Variants in DOC2B observed in about 807,000 individuals in gnomAD.
The protein encoded by DOC2B is double C2 domain beta.
In DOC2B, 21 loss-of-function variants were observed where a neutral mutation model predicts 28.9. The observed-to-expected ratio is 0.73, with a 90% CI of 0.52 to 1.05. DOC2B has a LOEUF of 1.05. Ranked by LOEUF, DOC2B falls within the 50% of genes least tolerant of loss-of-function variation. The pLI is 0.00. For missense variants in DOC2B, 384 were observed against 421.1 expected, an observed-to-expected ratio of 0.91 and a Z score of 0.77; for synonymous variants, 194 against 178.1, an observed-to-expected ratio of 1.09 and a Z score of -0.71.
intron 3 of DOC2B, among the ~76,000 whole-genome samples, chr17:162,696 T>C (rs1015973527): frequency 1.3e-5 from 2 of 152,142 alleles, no homozygotes; most frequent in Non-Finnish European, 2.9e-5. Context: ...GCCACGAAGT[T>C]TGTGGTCATT....
rs1216411416 is a variant in DOC2B, at chr17:143,940, A to ACGGGCTCGGCATGCACGGCC, written c.*3481_*3500dup. On this transcript the variant is annotated 3_prime_UTR_variant, in exon 9 of 9. Transcript: ENST00000613549. ...GGTTCACTCGGTTTGCGAAGGAACA[A>ACGGGCTCGGCATGCACGGCC]CGGGCTCGGCATGCACGGCCCGGGC... is the stretch of plus-strand genomic sequence containing the variant. 12 of 152,454 alleles carry ACGGGCTCGGCATGCACGGCC rather than the reference A, an allele frequency of 7.9e-5. No individual in the cohort carries two copies. The highest frequency in any genetic ancestry group is 1.9e-4 in the East Asian group (1 of 5,164). 9.4% of individuals were successfully genotyped at this position (152,454 alleles called of 1,614,324 possible).
intron 1 of DOC2B, among the ~76,000 whole-genome samples, chr17:176,392 GC>G (rs2040370296): frequency 1.2e-5 from 1 of 84,544 alleles, no homozygotes; most frequent in African/African-American, 4.2e-5. Flanking sequence ...TGGTGTTGGT[GC>G]GGGGGGTGCG....
chr17:163,227 C>T (rs974117476), intron 3 of DOC2B, among the ~76,000 whole-genome samples: 3 of 152,204 alleles, frequency 2.0e-5, no homozygotes, highest in African/African-American at 4.8e-5. Context: ...TGGTCATACT[C>T]GCCCTCGGCC....
intron 1 of DOC2B, 112 bp from the exon 2 acceptor site, chr17:172,728 G>A (rs760991016): frequency 2.6e-5 from 21 of 820,332 alleles, no homozygotes; most frequent in African/African-American, 6.9e-5. Context: ...GTTCCATGGC[G>A]GCTGCCACCA....
chr17:162,854 A>T (rs2040221060), intron 3 of DOC2B, among the ~76,000 whole-genome samples: 1 of 151,562 alleles, frequency 6.6e-6, no homozygotes, highest in East Asian at 1.9e-4. Flanking sequence ...TCTGCCTGGA[A>T]CCCATCCCGT....
chr17:181,257 C>A lies in DOC2B; in HGVS notation c.223G>T (p.Gly75Cys). The change falls in exon 1 of 9, where the codon GGC (glycine) becomes TGC (cysteine). Residue 75 changes from glycine to cysteine, a missense_variant. Coordinates refer to ENST00000613549, the MANE Select transcript of DOC2B (RefSeq NM_003585.5). This position sits in a 1 kb window ranked among gnomAD's most constrained non-coding sequence, Gnocchi z 7.0. ...ACATCCTCGTCGTCCTCGCGGGCGCCGTCGGAGGGGCTGCGGCGGCCGGCA... is the reference window on the plus strand; with the variant it reads ...ACATCCTCGTCGTCCTCGCGGGCGCAGTCGGAGGGGCTGCGGCGGCCGGCA... Reference protein sequence around the residue: ...AGAGRRSPSDGAREDDEDVDQ... With the variant: ...AGAGRRSPSDCAREDDEDVDQ... The A allele has an allele frequency of 8.3e-7, 1 of 1,210,782 alleles. No individual in the cohort carries two copies. The highest frequency in any genetic ancestry group is 1.0e-6 in the Non-Finnish European group (1 of 974,756). 75.0% of individuals were successfully genotyped at this position (1,210,782 alleles called of 1,614,324 possible). A position where few individuals can be genotyped will look rare whatever the true frequency, so the allele number is the denominator to read the frequency against.
In DOC2B at chr17:172,579, G is replaced by C; in HGVS notation, c.411C>G (p.Asp137Glu). The change falls in exon 2 of 9, where the codon GAC becomes GAG. Residue 137 changes from aspartate (D) to glutamate (E), a missense_variant. Asp to Glu is a conservative substitution (Grantham distance 45). Transcript: ENST00000613549. ...LGTLDFSLLY[D>E]QENNALHCTI... ...TGCAGTGGAGGGCGTTGTTCTCCTGGTCATACAGCAGGCTGAAGTCCAGCG... is the reference window on the plus strand; with the variant it reads ...TGCAGTGGAGGGCGTTGTTCTCCTGCTCATACAGCAGGCTGAAGTCCAGCG... 6.4e-7 allele frequency: 1 copy of C among 1,551,110 alleles called. No homozygotes were observed. Among genetic ancestry groups the C allele is most frequent in the Non-Finnish European group, 8.7e-7 (1 of 1,146,630 alleles).
At chr17:163,894 A>T (rs2040231763) in intron 3 of DOC2B, among the ~76,000 whole-genome samples, 1 of 152,214 alleles carries the variant, frequency 6.6e-6, no homozygotes. Context: ...CAGGTAGGTA[A>T]CGCTGACTCG....
At chr17:177,952 C>A (rs760624759) in intron 1 of DOC2B, among the ~76,000 whole-genome samples, 1 of 152,262 alleles carries the variant, frequency 6.6e-6, no homozygotes, top group Non-Finnish European at 1.5e-5. Context: ...AGGTTTAACA[C>A]GGGCATGTGA....
chr17:162,064 C>G lies in DOC2B; in HGVS notation c.638+17G>C. 5 of 1,530,528 alleles carry G rather than the reference C, an allele frequency of 3.3e-6. No homozygotes were observed. Among genetic ancestry groups the G allele is most frequent in the Non-Finnish European group, 4.4e-6 (5 of 1,127,808 alleles). The allele number at this position is 1,530,528 out of a possible 1,614,324, so 94.8% of individuals were successfully genotyped here. A position where few individuals can be genotyped will look rare whatever the true frequency, so the allele number is the denominator to read the frequency against. The stretch of plus-strand genomic sequence containing the variant: ...AGGGGTTGGGGAGGGAGCAGGCGGC[C>G]TGGGACCCTCACCCACCGCAGGGTC... On this transcript the variant is annotated intron_variant, in intron 4 of 8. Coordinates refer to ENST00000613549, the MANE Select transcript of DOC2B (RefSeq NM_003585.5).
intron 5 of DOC2B, among the ~76,000 whole-genome samples, chr17:158,172 C>A (rs1216141945): frequency 2.6e-5 from 4 of 152,204 alleles, no homozygotes; most frequent in Admixed American, 1.3e-4. Context: ...CCCCAGCCAG[C>A]CTGATGCTTC....
intron 2 of DOC2B, 121 bp downstream of exon 2, chr17:172,416 C>G (rs2040322872): frequency 6.7e-6 from 5 of 750,700 alleles, no homozygotes; most frequent in Non-Finnish European, 1.1e-5. Context: ...GCACCCCACA[C>G]AGCGCAGACA....
chr17:153,155 G>A (rs1161585048), intron 6 of DOC2B, among the ~76,000 whole-genome samples: 1 of 152,182 alleles, frequency 6.6e-6, no homozygotes, highest in Non-Finnish European at 1.5e-5. Flanking sequence ...TCTTTGAAAG[G>A]CCACGTGACC....
At chr17:179,796 T>C (rs1285462053) in intron 1 of DOC2B, among the ~76,000 whole-genome samples, 5 of 152,238 alleles carry the variant, frequency 3.3e-5, no homozygotes, top group Non-Finnish European at 5.9e-5. Flanking sequence ...GGCAGGGCCT[T>C]CATGTGCCAG....
chr17:157,730 C>T (rs1023502161), intron 5 of DOC2B, among the ~76,000 whole-genome samples: 1 of 152,174 alleles, frequency 6.6e-6, no homozygotes, highest in Admixed American at 6.5e-5. Flanking sequence ...AGGTATGAGC[C>T]ACCGCATCCA....
intron 2 of DOC2B, among the ~76,000 whole-genome samples, chr17:169,563 TAA>T (rs1180788128): frequency 6.6e-6 from 1 of 151,964 alleles, no homozygotes; most frequent in African/African-American, 2.4e-5. Context: ...ACAATAAAAA[TAA>T]AAAGTCTCCC....
At chr17:154,403 C>T (rs978518860) in intron 6 of DOC2B, among the ~76,000 whole-genome samples, 3 of 151,246 alleles carry the variant, frequency 2.0e-5, no homozygotes, top group Admixed American at 6.6e-5. Flanking sequence ...TGATATTCCA[C>T]GCACCTGCTA....
In DOC2B at chr17:146,133, G is replaced by A. The variant is rs1467781332; in HGVS notation, c.*1308C>T. The A allele has an allele frequency of 6.6e-6, 1 of 152,268 alleles. No homozygotes were observed. The highest frequency in any genetic ancestry group is 2.1e-4 in the South Asian group (1 of 4,834). The allele number at this position is 152,268 out of a possible 1,614,324, so 9.4% of individuals were successfully genotyped here. On this transcript the variant is annotated 3_prime_UTR_variant, in exon 9 of 9. Transcript: ENST00000613549. ...GGTGATTCTTGCTCAGCTCCTGGAG[G>A]GTGGAGCTGGCCCCACAGGCCTCCC...
intron 1 of DOC2B, among the ~76,000 whole-genome samples, chr17:176,297 C>T (rs965715957): frequency 1.3e-5 from 2 of 151,970 alleles, no homozygotes; most frequent in African/African-American, 4.8e-5. Flanking sequence ...ATCCTCTCAC[C>T]TCAGCCTCCC....
Sources: allele counts gnomAD v4.1 joint callset (sites outside exome capture counted in the v4.1 genomes callset), GRCh38; gene constraint gnomAD v4.1.1; non-coding constraint Gnocchi (gnomAD v3.1); transcripts MANE v1.5; gene names NCBI Gene and HGNC (gene_info 2026-07-23, HGNC 2026-07-21).